ANO2: variants seen among roughly 807,000 people sequenced by gnomAD.
ANO2 encodes the protein anoctamin 2, also known as anoctamin-2.
Under a neutral mutation model 124.2 loss-of-function variants are expected in ANO2, and 101 were observed. The ratio of observed to expected loss-of-function variants is 0.81; its 90% CI spans 0.69 to 0.96. The LOEUF is 0.96. Ranked by LOEUF, ANO2 falls within the 40% of genes least tolerant of loss-of-function variation. The pLI, the probability that ANO2 is intolerant of heterozygous loss-of-function variation, is 0.00. For missense variants in ANO2, 1,293 were observed against 1,274.5 expected (o/e 1.01, Z -0.22); for synonymous variants, 486 against 482.5 (o/e 1.01, Z -0.09).
chr12:5,751,117 A>G, intron 10 of ANO2, 147 bp from the exon 11 acceptor site: 1 of 731,304 alleles, frequency 1.4e-6, no homozygotes, highest in East Asian at 2.9e-5. Context: ...TGCACGGGGA[A>G]GGGGAGGCTT....
At chr12:5,610,217 A>G (rs1446881909) in intron 19 of ANO2, among the ~76,000 whole-genome samples, 2 of 102,152 alleles carry the variant, frequency 2.0e-5, no homozygotes, top group African/African-American at 8.5e-5. Flanking sequence ...ATACTTATAT[A>G]AATATATACT....
intron 10 of ANO2, among the ~76,000 whole-genome samples, chr12:5,777,675 G>A (rs1323939817): frequency 6.6e-6 from 1 of 151,872 alleles, no homozygotes; most frequent in African/African-American, 2.4e-5. Context: ...AAATGAAAAG[G>A]AAAAAAACAA....
At chr12:5,591,406 G>A (rs1431312267) in intron 20 of ANO2, among the ~76,000 whole-genome samples, 1 of 152,208 alleles carries the variant, frequency 6.6e-6, no homozygotes, top group Non-Finnish European at 1.5e-5. Flanking sequence ...AATCTGCAGA[G>A]CAGACAATGA....
chr12:5,661,760 G>A (rs1947455145), intron 14 of ANO2, among the ~76,000 whole-genome samples: 2 of 152,150 alleles, frequency 1.3e-5, no homozygotes, highest in South Asian at 4.1e-4. Flanking sequence ...CAGAACCTGG[G>A]GGAGGGCCAG....
Position 5,635,007 on chromosome 12 carries a change from G to A in ANO2, c.1816+145C>T, listed in dbSNP as rs138645140. On this transcript the variant is annotated intron_variant, in intron 16 of 24. Coordinates refer to ENST00000682330, the MANE Select transcript of ANO2 (RefSeq NM_001364791.2). The surrounding 1 kb of genome is among the most constrained non-coding windows in gnomAD (Gnocchi z 5.2). ...TTGACAGCCCTACAAATACACACAC[G>A]TTGCACTTCCCCATTTCTCTAATTA... 120 of 683,186 alleles carry A rather than the reference G, an allele frequency of 1.8e-4. No homozygotes were observed. The East Asian group carries it at 2.8e-3, about 16-fold the overall frequency. The allele number at this position is 683,186 out of a possible 1,614,324, so 42.3% of individuals were successfully genotyped here. A position where few individuals can be genotyped will look rare whatever the true frequency, so the allele number is the denominator to read the frequency against.
intron 14 of ANO2, among the ~76,000 whole-genome samples, chr12:5,684,515 G>A (rs3782627): frequency 0.37 from 56,818 of 152,020 alleles, 12,379 homozygotes; most frequent in East Asian, 0.59. Context: ...GAAAGTGAGT[G>A]GCTGTCCATC....
chr12:5,927,603 C>T (rs772548006), intron 1 of ANO2, among the ~76,000 whole-genome samples: 3 of 152,218 alleles, frequency 2.0e-5, no homozygotes, highest in Non-Finnish European at 4.4e-5. Context: ...CGACCATTTC[C>T]TCATTTAACC....
chr12:5,802,045 A>G (rs1953057446), intron 9 of ANO2, among the ~76,000 whole-genome samples: 1 of 152,196 alleles, frequency 6.6e-6, no homozygotes, highest in Admixed American at 6.5e-5. Context: ...CCTCCAGAGC[A>G]AATTCCTCCC....
chr12:5,800,261 G>A (rs761284914), intron 9 of ANO2, among the ~76,000 whole-genome samples: 28 of 152,212 alleles, frequency 1.8e-4, no homozygotes, highest in Non-Finnish European at 3.7e-4. Flanking sequence ...GAGTGAGCAC[G>A]GGGAGAACGT....
Position 5,908,228 on chromosome 12 carries a change from G to A in ANO2, c.534+12812C>T, listed in dbSNP as rs896017091. 2.0e-5 allele frequency among the ~76,000 whole-genome samples: 3 copies of A among 152,222 alleles called. No individual in the cohort carries two copies. The highest frequency in any genetic ancestry group is 7.2e-5 in the African/African-American group (3 of 41,462). On this transcript the variant is annotated intron_variant, in intron 3 of 24. Transcript: ENST00000682330. This position sits in a 1 kb window ranked among gnomAD's most constrained non-coding sequence, Gnocchi z 4.7. Reference sequence around the variant, plus strand: ...TCCTGAAAAGCTGCTAAGACTCACAGGTCCTCTCTGAGGCCTGAGAAGCCT... The same window carrying A: ...TCCTGAAAAGCTGCTAAGACTCACAAGTCCTCTCTGAGGCCTGAGAAGCCT...
Position 5,636,514 on chromosome 12 carries a change from A to C in ANO2, c.1621-1167T>G, listed in dbSNP as rs1484061054. On this transcript the variant is annotated intron_variant, in intron 15 of 24. Coordinates refer to ENST00000682330, the MANE Select transcript of ANO2 (RefSeq NM_001364791.2). This position sits in a 1 kb window ranked among gnomAD's most constrained non-coding sequence, Gnocchi z 4.6. ...GTCCTATTTCCTCCGCAGGACAGAG[A>C]ATGGGCACTGGCTATGAAGGACTAA... Among the ~76,000 whole-genome samples the C allele has an allele frequency of 6.6e-6, 1 of 151,790 alleles. No individual in the cohort carries two copies. Among genetic ancestry groups the C allele is most frequent in the Non-Finnish European group, 1.5e-5 (1 of 67,954 alleles).
intron 11 of ANO2, 73 bp downstream of exon 11, chr12:5,750,763 G>T: frequency 6.7e-7 from 1 of 1,482,910 alleles, no homozygotes; most frequent in Non-Finnish European, 9.2e-7. Context: ...CATGTGAAAT[G>T]TACTTGTACT....
chr12:5,778,749 A>G (rs1036897942), intron 10 of ANO2, among the ~76,000 whole-genome samples: 1 of 152,250 alleles, frequency 6.6e-6, no homozygotes, highest in Non-Finnish European at 1.5e-5. Context: ...TAAGTGCCAA[A>G]TAAGGTATGT....
At chr12:5,894,483 C>G (rs1939635184) in intron 3 of ANO2, among the ~76,000 whole-genome samples, 1 of 152,262 alleles carries the variant, frequency 6.6e-6, no homozygotes, top group African/African-American at 2.4e-5. Context: ...TGCAGAAGCT[C>G]TTTAGTTTAA....
intron 11 of ANO2, among the ~76,000 whole-genome samples, chr12:5,744,850 A>G (rs1319821114): frequency 6.6e-6 from 1 of 152,200 alleles, no homozygotes; most frequent in East Asian, 1.9e-4. Flanking sequence ...ATGGGGAAGA[A>G]CGGAGTAGAT....
chr12:5,786,743 G>A (rs1386032270), intron 10 of ANO2, among the ~76,000 whole-genome samples: 2 of 152,210 alleles, frequency 1.3e-5, no homozygotes, highest in African/African-American at 4.8e-5. Flanking sequence ...TTCCCTTAAA[G>A]TGGAGCAAAG....
At chr12:5,592,925 C>T (rs1943477572) in intron 20 of ANO2, among the ~76,000 whole-genome samples, 1 of 152,140 alleles carries the variant, frequency 6.6e-6, no homozygotes, top group African/African-American at 2.4e-5. Flanking sequence ...TGAAAGCGGC[C>T]ACAAGAGCTT....
chr12:5,945,913 G>C (rs765947899), upstream of ANO2, among the ~76,000 whole-genome samples: 1 of 152,236 alleles, frequency 6.6e-6, no homozygotes, highest in Admixed American at 6.5e-5. Flanking sequence ...GTTAAGGAAG[G>C]TTGAGGGAGT....
intron 3 of ANO2, among the ~76,000 whole-genome samples, chr12:5,916,492 T>TAAAAAAAAAAAAAA (rs57056611): frequency 1.1e-5 from 1 of 93,160 alleles, no homozygotes; most frequent in Non-Finnish European, 2.0e-5. Flanking sequence ...CGCAGCAGGT[T>TAAAAAAAAAAAAAA]AAAAAAAAAA....
Sources: gnomAD v4.1 joint callset for allele counts (sites outside exome capture counted in the v4.1 genomes callset) on GRCh38, gnomAD v4.1.1 for gene constraint, Gnocchi (gnomAD v3.1) non-coding constraint, MANE v1.5 for transcripts, NCBI Gene and HGNC (gene_info 2026-07-23, HGNC 2026-07-21) for gene names.